Variants in R3HDM1 observed in about 807,000 individuals in gnomAD.
R3HDM1 encodes the protein R3H domain containing 1.
In R3HDM1, 46 loss-of-function variants were observed where a neutral mutation model predicts 141.1. The observed-to-expected ratio is 0.33, with a 90% confidence interval of 0.26 to 0.42. The LOEUF is 0.42. Among genes scored for constraint, R3HDM1 ranks in the 10% least tolerant of loss-of-function variants. R3HDM1 has a pLI of 1.00. For missense variants in R3HDM1, 1,184 were observed against 1,368.3 expected, an observed-to-expected ratio of 0.87 and a Z score of 2.12; for synonymous variants, 435 against 472.9, an observed-to-expected ratio of 0.92 and a Z score of 1.04.
intron 9 of R3HDM1, among the ~76,000 whole-genome samples, chr2:135,634,651 T>A (rs533529457): frequency 1.3e-5 from 2 of 152,034 alleles, no homozygotes; most frequent in Non-Finnish European, 2.9e-5. Flanking sequence ...CTCTAAAAAA[T>A]TTTTTTAAAA....
rs2072796184 is a variant in R3HDM1, at chr2:135,693,724, T to C, written c.2459+13400T>C. Among the ~76,000 whole-genome samples the C allele has an allele frequency of 2.0e-5, 3 of 152,196 alleles. 1 individual carries two copies. The South Asian group carries it at 6.2e-4, about 32-fold the overall frequency. On this transcript the variant is annotated intron_variant, in intron 21 of 26. Coordinates refer to ENST00000683871, the MANE Select transcript of R3HDM1 (RefSeq NM_001378107.1). ...AAGAACTAAAGGAGAAAAGAATTCT[T>C]AGGCCAGGTGCAGTGACTGACACCT...
intron 19 of R3HDM1, among the ~76,000 whole-genome samples, chr2:135,672,157 C>G (rs183459199): frequency 3.9e-5 from 6 of 152,314 alleles, no homozygotes; most frequent in African/African-American, 9.6e-5. Flanking sequence ...TTTTTAATAG[C>G]TCCACTGTGT....
intron 22 of R3HDM1, 95 bp from the exon 23 acceptor site, chr2:135,709,964 A>G: frequency 7.7e-7 from 1 of 1,292,752 alleles, no homozygotes. Flanking sequence ...AATTTTATTC[A>G]GAAATGTAAA....
At chr2:135,570,353 C>T (rs1703830383) in intron 1 of R3HDM1, among the ~76,000 whole-genome samples, 1 of 152,164 alleles carries the variant, frequency 6.6e-6, no homozygotes, top group African/African-American at 2.4e-5. Flanking sequence ...TGTAGGAATA[C>T]ATAAGCAAAT....
Position 135,698,980 on chromosome 2 carries a change from CAGATAGATAGAT to C in R3HDM1, c.2460-10399_2460-10388del, listed in dbSNP as rs71400533. ...ACACACATCCAAACAATATTACACT[CAGATAGATAGAT>C]AGATAGATAGATAGATAGATAGATA... On this transcript the variant is annotated intron_variant, in intron 21 of 26. Coordinates refer to ENST00000683871, the MANE Select transcript of R3HDM1 (RefSeq NM_001378107.1). Among the ~76,000 whole-genome samples, 476 of 78,178 alleles carry C rather than the reference CAGATAGATAGAT, an allele frequency of 6.1e-3. 6 individuals are homozygous for C. The highest frequency in any genetic ancestry group is 0.021 in the African/African-American group (434 of 20,706). 51.3% of individuals were successfully genotyped at this position (78,178 alleles called of 152,430 possible). A position where few individuals can be genotyped will look rare whatever the true frequency, so the allele number is the denominator to read the frequency against.
chr2:135,722,443 T>C (rs148346034), intron 25 of R3HDM1, 26 bp from the exon 26 acceptor site: 19,367 of 1,610,178 alleles, frequency 0.012, 364 homozygotes, highest in Middle Eastern at 0.067. Context: ...ATTAACGTTG[T>C]TTCTCAACTA....
At chr2:135,552,542 A>G (rs895473226) in intron 1 of R3HDM1, among the ~76,000 whole-genome samples, 8 of 152,214 alleles carry the variant, frequency 5.3e-5, no homozygotes, top group Non-Finnish European at 1.0e-4. Flanking sequence ...GTCAACAACC[A>G]GTGATAGCTT....
chr2:135,667,573 A>T, intron 19 of R3HDM1: 3 of 879,082 alleles, frequency 3.4e-6, no homozygotes, highest in Non-Finnish European at 4.1e-6. Context: ...CACAGGAAGA[A>T]TTTTTTTTAA....
chr2:135,650,194 A>G, intron 17 of R3HDM1, 191 bp downstream of exon 17: 1 of 969,386 alleles, frequency 1.0e-6, no homozygotes, highest in South Asian at 4.8e-5. Flanking sequence ...ATAGTGGCTT[A>G]TTATGGTGAT....
chr2:135,588,034 ATCTC>A (rs138410736), intron 1 of R3HDM1, among the ~76,000 whole-genome samples: 10 of 145,280 alleles, frequency 6.9e-5, no homozygotes, highest in South Asian at 6.6e-4. Context: ...ATCTATCTTA[ATCTC>A]TCTCTCTCTC....
chr2:135,561,891 C>T (rs1701873852), intron 1 of R3HDM1, among the ~76,000 whole-genome samples: 1 of 152,102 alleles, frequency 6.6e-6, no homozygotes, highest in Non-Finnish European at 1.5e-5. Flanking sequence ...AAAGAATTAA[C>T]TGAATTATAG....
intron 21 of R3HDM1, among the ~76,000 whole-genome samples, chr2:135,690,717 T>TTTTG (rs59210159): frequency 0.5 from 75,547 of 151,486 alleles, 23,892 homozygotes; most frequent in East Asian, 0.87. Context: ...AAGAGGTTTT[T>TTTTG]TTTGTTTGTT....
chr2:135,596,409 T>C (rs533481659), intron 1 of R3HDM1, among the ~76,000 whole-genome samples: 35 of 152,362 alleles, frequency 2.3e-4, no homozygotes, highest in Middle Eastern at 6.8e-3. Flanking sequence ...AGGAGCATTA[T>C]AACACTCAGT....
At chr2:135,552,193 C>G (rs1166318568) in intron 1 of R3HDM1, among the ~76,000 whole-genome samples, 1 of 150,766 alleles carries the variant, frequency 6.6e-6, no homozygotes, top group East Asian at 1.9e-4. Flanking sequence ...ATTTTTTTTT[C>G]TTTTTTGGGG....
At chr2:135,581,488 T>A in intron 1 of R3HDM1, 1 of 774,306 alleles carries the variant, frequency 1.3e-6, no homozygotes, top group Non-Finnish European at 1.6e-6. Flanking sequence ...CCTGACTGAC[T>A]AATACCACAA....
intron 1 of R3HDM1, among the ~76,000 whole-genome samples, chr2:135,565,392 A>G (rs1180693673): frequency 6.7e-6 from 1 of 149,606 alleles, no homozygotes; most frequent in Non-Finnish European, 1.5e-5. Context: ...AGATCTCATT[A>G]TGTTGCCTGG....
At chr2:135,551,307 C>G (rs1699806980) in intron 1 of R3HDM1, among the ~76,000 whole-genome samples, 1 of 152,188 alleles carries the variant, frequency 6.6e-6, no homozygotes, top group African/African-American at 2.4e-5. Context: ...TGTAGCTGCA[C>G]TAGCAGCAGG....
rs1398672693 is a variant in R3HDM1 at position 135,569,587 on chromosome 2, G to A, written c.-249-32913G>A. ...CTCACTTCAGATACTAGACTCTACC[G>A]CTCACTGGTTGTGTGACCTTAAACA... On this transcript the variant is annotated intron_variant, in intron 1 of 26. Transcript: ENST00000683871. Among the ~76,000 whole-genome samples, 4 of 152,168 alleles carry A rather than the reference G, an allele frequency of 2.6e-5. No homozygotes were observed. In the South Asian group the frequency reaches 6.2e-4, roughly 24 times the overall value.
intron 18 of R3HDM1, among the ~76,000 whole-genome samples, chr2:135,660,255 T>TG (rs1553608324): frequency 1.3e-5 from 2 of 152,118 alleles, no homozygotes; most frequent in Non-Finnish European, 2.9e-5. Context: ...TGGTTTTTTT[T>TG]GGGGGGGATT....
Sources: allele counts gnomAD v4.1 joint callset (sites outside exome capture counted in the v4.1 genomes callset), GRCh38; gene constraint gnomAD v4.1.1; transcripts MANE v1.5; gene names NCBI Gene and HGNC (gene_info 2026-07-23, HGNC 2026-07-21).